The following CHODL variants were observed in gnomAD, a reference collection of about 807,000 sequenced individuals.
CHODL encodes the protein transmembrane protein MT75.
A neutral mutation model predicts 34.5 loss-of-function variants in CHODL; 29 were observed. The ratio of observed to expected loss-of-function variants is 0.84; its 90% confidence interval spans 0.63 to 1.15. CHODL has a LOEUF of 1.15. Among genes scored for constraint, CHODL ranks in the 50% most tolerant of loss-of-function variants. CHODL has a pLI of 0.00. For missense variants in CHODL, 332 were observed against 332.5 expected, an observed-to-expected ratio of 1.00 and a Z score of 0.01; for synonymous variants, 125 against 116.1, an observed-to-expected ratio of 1.08 and a Z score of -0.49.
intron 2 of CHODL, among the ~76,000 whole-genome samples, chr21:18,133,499 T>C (rs2072682876): frequency 6.6e-6 from 1 of 152,074 alleles, no homozygotes; most frequent in Admixed American, 6.6e-5. Context: ...TTTGCATGGG[T>C]TTCATGCATT....
At chr21:18,032,752 C>T (rs1381530252) in intron 2 of CHODL, among the ~76,000 whole-genome samples, 3 of 151,998 alleles carry the variant, frequency 2.0e-5, no homozygotes, top group Admixed American at 1.3e-4. Flanking sequence ...AAAGCTAGCA[C>T]TGTCTCTCCA....
At chr21:18,246,841 A>G (rs1325915948) in intron 1 of CHODL, among the ~76,000 whole-genome samples, 3 of 152,204 alleles carry the variant, frequency 2.0e-5, no homozygotes. Flanking sequence ...TTTGCGTTCT[A>G]TGAGTACATA....
chr21:17,986,833 T>C (rs753895629), intron 1 of CHODL, among the ~76,000 whole-genome samples: 1 of 152,198 alleles, frequency 6.6e-6, no homozygotes, highest in Non-Finnish European at 1.5e-5. Context: ...AATCAGATTA[T>C]TTCCATCTAG....
intron 1 of CHODL, among the ~76,000 whole-genome samples, chr21:17,993,144 T>TC (rs773588290): frequency 3.3e-5 from 5 of 152,198 alleles, no homozygotes; most frequent in Admixed American, 6.5e-5. Context: ...TTCATTTTTT[T>TC]CCCATTCAGT....
chr21:17,929,915 T>A (rs1229661188), intron 1 of CHODL, among the ~76,000 whole-genome samples: 1 of 152,126 alleles, frequency 6.6e-6, no homozygotes, highest in African/African-American at 2.4e-5. Flanking sequence ...AGCAAGCACA[T>A]TGAGCACCCT....
intron 1 of CHODL, among the ~76,000 whole-genome samples, chr21:17,926,844 TA>T (rs2063227327): frequency 6.6e-6 from 1 of 152,040 alleles, no homozygotes; most frequent in African/African-American, 2.4e-5. Context: ...AGGCAAATAT[TA>T]TAAAAAGAAT....
chr21:18,128,193 A>C lies in CHODL; in HGVS notation c.-45+100222A>C, dbSNP rs1389725200. ...GCGGGCGCCTGTAGTCCCGGCTACT[A>C]GGGAGGCCGAGGCAGGAGAATGGTG... On this transcript the variant is annotated intron_variant, in intron 2 of 6. Transcript: ENST00000400127. Among the ~76,000 whole-genome samples, 7 of 150,326 alleles carry C rather than the reference A, an allele frequency of 4.7e-5. No individual in the cohort carries two copies. In the East Asian group the frequency reaches 9.9e-4, roughly 21 times the overall value.
intron 2 of CHODL, among the ~76,000 whole-genome samples, chr21:18,122,629 C>T (rs1405657182): frequency 6.6e-6 from 1 of 151,842 alleles, no homozygotes; most frequent in African/African-American, 2.4e-5. Flanking sequence ...AGTAACATCA[C>T]CAAAGAATAG....
At chr21:18,133,662 C>T (rs2072685090) in intron 2 of CHODL, among the ~76,000 whole-genome samples, 1 of 152,110 alleles carries the variant, frequency 6.6e-6, no homozygotes, top group Admixed American at 6.6e-5. Context: ...GGCAGATTTG[C>T]GTATAGCCCC....
intron 2 of CHODL, 41 bp from the exon 3 acceptor site, chr21:18,256,929 T>C (rs1481486522): frequency 6.3e-7 from 1 of 1,594,656 alleles, no homozygotes; most frequent in African/African-American, 1.3e-5. Flanking sequence ...AATCATTTAG[T>C]AGGCATGTAT....
chr21:18,158,597 G>T (rs1280105160), intron 2 of CHODL, among the ~76,000 whole-genome samples: 1 of 152,216 alleles, frequency 6.6e-6, no homozygotes. Context: ...CAGCACTTTG[G>T]GAGGCCGAGG....
intron 2 of CHODL, among the ~76,000 whole-genome samples, chr21:18,140,908 T>A (rs2072793566): frequency 6.6e-6 from 1 of 152,178 alleles, no homozygotes. Flanking sequence ...GTATTGTTTT[T>A]TTTTCCACAC....
chr21:18,193,074 A>C (rs2073530156), intron 2 of CHODL, among the ~76,000 whole-genome samples: 1 of 152,204 alleles, frequency 6.6e-6, no homozygotes, highest in African/African-American at 2.4e-5. Flanking sequence ...AATATAGTCA[A>C]ATGTGAACTA....
intron 1 of CHODL, among the ~76,000 whole-genome samples, chr21:17,922,275 G>T (rs1463282863): frequency 6.6e-6 from 1 of 151,838 alleles, no homozygotes; most frequent in African/African-American, 2.4e-5. Context: ...AAATTTATCT[G>T]TGAGCTCACT....
chr21:18,238,128 G>C (rs1264535697), intron 2 of CHODL, among the ~76,000 whole-genome samples: 1 of 152,036 alleles, frequency 6.6e-6, no homozygotes, highest in South Asian at 2.1e-4. Flanking sequence ...TCAGCACTCT[G>C]AACTATTAAC....
chr21:18,010,297 C>CAAAAAAAA lies in CHODL; in HGVS notation c.-144-17557_-144-17550dup, dbSNP rs71189576. Among the ~76,000 whole-genome samples, 16 of 38,776 alleles carry CAAAAAAAA rather than the reference C, an allele frequency of 4.1e-4. 1 individual carries two copies. Among genetic ancestry groups the CAAAAAAAA allele is most frequent in the African/African-American group, 1.5e-3 (15 of 10,000 alleles). The allele number at this position is 38,776 out of a possible 152,430, so 25.4% of individuals were successfully genotyped here. A position where few individuals can be genotyped will look rare whatever the true frequency, so the allele number is the denominator to read the frequency against. On this transcript the variant is annotated intron_variant, in intron 1 of 6. Coordinates refer to the CHODL transcript ENST00000400127. Reference sequence around the variant, plus strand: ...GGGCGACAGAGCAAGACTCCCGTCTCAAAAAAAAAAAAAAAAAAAAAAAAA... The same window carrying CAAAAAAAA: ...GGGCGACAGAGCAAGACTCCCGTCTCAAAAAAAAAAAAAAAAAAAAAAAAAAAAAAAAA...
intron 2 of CHODL, among the ~76,000 whole-genome samples, chr21:18,227,099 C>T (rs2073938054): frequency 6.6e-6 from 1 of 152,108 alleles, no homozygotes; most frequent in Non-Finnish European, 1.5e-5. Context: ...ACTGTGTCCT[C>T]ACATAGTGGA....
chr21:18,033,987 G>C (rs1249772599), intron 2 of CHODL, among the ~76,000 whole-genome samples: 1 of 151,980 alleles, frequency 6.6e-6, no homozygotes, highest in Non-Finnish European at 1.5e-5. Context: ...CGTGATTTCA[G>C]AATCTGAAAG....
At chr21:18,058,991 G>T (rs911902211) in intron 2 of CHODL, among the ~76,000 whole-genome samples, 1 of 152,096 alleles carries the variant, frequency 6.6e-6, no homozygotes, top group African/African-American at 2.4e-5. Flanking sequence ...CCCTGACCTG[G>T]TGTTATGGAC....
Sources: gnomAD v4.1 joint callset for allele counts (sites outside exome capture counted in the v4.1 genomes callset) on GRCh38, gnomAD v4.1.1 for gene constraint, MANE v1.5 for transcripts, NCBI Gene and HGNC (gene_info 2026-07-23, HGNC 2026-07-21) for gene names.